The following CNTN4 variants were observed in gnomAD, a reference collection of about 807,000 sequenced individuals.
The protein encoded by CNTN4 is contactin 4, also known as contactin-4.
A neutral mutation model predicts 122.5 loss-of-function variants in CNTN4; 77 were observed. The observed-to-expected ratio is 0.63, with a 90% CI of 0.52 to 0.76. The LOEUF (loss-of-function observed/expected upper bound fraction) is 0.76. Among genes scored for constraint, CNTN4 ranks in the 30% least tolerant of loss-of-function variants. The pLI is 0.00. For synonymous variants in CNTN4, 512 were observed against 447.0 expected, an observed-to-expected ratio of 1.15 and a Z score of -1.83; for missense variants, 1,256 against 1,259.1, an observed-to-expected ratio of 1.00 and a Z score of 0.04.
intron 4 of CNTN4, among the ~76,000 whole-genome samples, chr3:2,589,451 G>T (rs1037662936): frequency 6.6e-6 from 1 of 152,116 alleles, no homozygotes; most frequent in African/African-American, 2.4e-5. Context: ...TCAAACATGT[G>T]TGTCTTAGAG....
At chr3:2,204,970 A>G (rs1159150880) in intron 2 of CNTN4, among the ~76,000 whole-genome samples, 1 of 152,110 alleles carries the variant, frequency 6.6e-6, no homozygotes, top group African/African-American at 2.4e-5. Context: ...TTTATATGTA[A>G]GTATTTATTT....
chr3:2,215,954 CAACCATTGTGAAAAGCAGTATGGCAA>C (rs1559349368), intron 2 of CNTN4, among the ~76,000 whole-genome samples: 1 of 145,600 alleles, frequency 6.9e-6, no homozygotes, highest in Non-Finnish European at 1.5e-5. Flanking sequence ...TAAATTAGTT[CAACCATTGTGAAAAGCAGTATGGCAA>C]TTCCTCAAAG....
chr3:2,277,983 T>G (rs941510274), intron 2 of CNTN4, among the ~76,000 whole-genome samples: 1 of 152,182 alleles, frequency 6.6e-6, no homozygotes, highest in African/African-American at 2.4e-5. Context: ...GAGACTAAAT[T>G]TGAGGACCAA....
chr3:2,120,406 T>G (rs1172569896), intron 2 of CNTN4, among the ~76,000 whole-genome samples: 14 of 24,556 alleles, frequency 5.7e-4, no homozygotes, highest in Non-Finnish European at 7.9e-4. Flanking sequence ...TATATATATA[T>G]TTTTTTTTTT....
At chr3:2,325,103 G>A (rs1173739020) in intron 2 of CNTN4, among the ~76,000 whole-genome samples, 2 of 152,160 alleles carry the variant, frequency 1.3e-5, no homozygotes, top group Admixed American at 1.3e-4. Context: ...ATACTAAGAA[G>A]GTATTTGCCT....
intron 12 of CNTN4, among the ~76,000 whole-genome samples, chr3:2,913,613 TA>T (rs1435525025): frequency 6.6e-6 from 1 of 152,224 alleles, no homozygotes; most frequent in Non-Finnish European, 1.5e-5. Context: ...CACAAAGATG[TA>T]ACTGTTAGAA....
chr3:2,770,050 G>A (rs543380326), intron 6 of CNTN4, among the ~76,000 whole-genome samples: 40 of 145,706 alleles, frequency 2.7e-4, no homozygotes, highest in African/African-American at 8.2e-4. Flanking sequence ...TTTTTTTTGA[G>A]ACGAAGTGTC....
At chr3:2,472,540 C>T (rs192334001) in intron 3 of CNTN4, among the ~76,000 whole-genome samples, 3 of 152,010 alleles carry the variant, frequency 2.0e-5, no homozygotes, top group Non-Finnish European at 4.4e-5. Context: ...CACCTGGCCT[C>T]AAGGACAAAT....
intron 2 of CNTN4, among the ~76,000 whole-genome samples, chr3:2,145,767 C>T (rs1004395214): frequency 1.3e-5 from 2 of 151,842 alleles, no homozygotes; most frequent in Non-Finnish European, 2.9e-5. Context: ...TTGCCCAGCA[C>T]TTTACGTAGG....
chr3:2,122,417 A>C (rs1418456534), intron 2 of CNTN4, among the ~76,000 whole-genome samples: 4 of 152,214 alleles, frequency 2.6e-5, no homozygotes, highest in Non-Finnish European at 5.9e-5. Context: ...TTCTTCACTT[A>C]AAGATGAATC....
chr3:3,002,291 C>A (rs1007892222), intron 14 of CNTN4, among the ~76,000 whole-genome samples: 49 of 152,110 alleles, frequency 3.2e-4, no homozygotes, highest in African/African-American at 1.1e-3. Context: ...GTAGGTGCAC[C>A]AGTCTGTTTG....
intron 3 of CNTN4, among the ~76,000 whole-genome samples, chr3:2,491,370 G>A (rs1247513802): frequency 1.3e-5 from 2 of 152,060 alleles, no homozygotes; most frequent in Non-Finnish European, 2.9e-5. Context: ...GCTCTAATGG[G>A]TCAACAATTG....
intron 13 of CNTN4, among the ~76,000 whole-genome samples, chr3:2,963,388 G>A (rs560378844): frequency 1.7e-4 from 26 of 152,000 alleles, no homozygotes; most frequent in African/African-American, 5.5e-4. Flanking sequence ...ATTATTTGGC[G>A]TCAAGATGGT....
intron 16 of CNTN4, among the ~76,000 whole-genome samples, chr3:3,033,031 C>G (rs1008202176): frequency 2.6e-5 from 4 of 152,008 alleles, no homozygotes; most frequent in Non-Finnish European, 4.4e-5. Flanking sequence ...ATAGAGAGGC[C>G]AACAATGGAC....
chr3:2,425,993 T>C (rs1400630646), intron 3 of CNTN4, among the ~76,000 whole-genome samples: 3 of 152,214 alleles, frequency 2.0e-5, no homozygotes, highest in African/African-American at 7.2e-5. Context: ...TTTCTAAATA[T>C]ACAATCATGT....
At chr3:2,458,995 A>G (rs1238379614) in intron 3 of CNTN4, among the ~76,000 whole-genome samples, 3 of 152,140 alleles carry the variant, frequency 2.0e-5, no homozygotes, top group African/African-American at 7.2e-5. Context: ...ATGTGTGTGA[A>G]TGTAGCATTC....
At chr3:2,722,022 CA>C in intron 4 of CNTN4, among the ~76,000 whole-genome samples, 1 of 152,286 alleles carries the variant, frequency 6.6e-6, no homozygotes, top group Admixed American at 6.5e-5. Context: ...CCAAATCTGC[CA>C]GCACCTCGTG....
intron 23 of CNTN4, among the ~76,000 whole-genome samples, chr3:3,046,235 C>A (rs1340336446): frequency 6.6e-6 from 1 of 152,178 alleles, no homozygotes; most frequent in Admixed American, 6.5e-5. Context: ...CTTCCCCAGC[C>A]TAGCAAGGCA....
chr3:2,115,931 C>A (rs1293954518), intron 2 of CNTN4, among the ~76,000 whole-genome samples: 1 of 152,136 alleles, frequency 6.6e-6, no homozygotes, highest in Non-Finnish European at 1.5e-5. Flanking sequence ...GCTTTTTGTG[C>A]CTAGCCTGTA....
Sources: gnomAD v4.1 joint callset for allele counts (sites outside exome capture counted in the v4.1 genomes callset) on GRCh38, gnomAD v4.1.1 for gene constraint, MANE v1.5 for transcripts, NCBI Gene and HGNC (gene_info 2026-07-23, HGNC 2026-07-21) for gene names.